Variants in DPYD observed in about 807,000 individuals in gnomAD.
DPYD encodes dihydropyrimidine dehydrogenase.
In DPYD, 109 loss-of-function variants were observed where a neutral mutation model predicts 116.2. The observed-to-expected ratio is 0.94, with a 90% CI of 0.80 to 1.10. The LOEUF (loss-of-function observed/expected upper bound fraction) is 1.10. Ranked by LOEUF, DPYD falls within the 50% of genes least tolerant of loss-of-function variation. The pLI is 0.00. For synonymous variants in DPYD, 440 were observed against 432.0 expected, an observed-to-expected ratio of 1.02 and a Z score of -0.23; for missense variants, 1,302 against 1,254.5, an observed-to-expected ratio of 1.04 and a Z score of -0.57.
intron 19 of DPYD, among the ~76,000 whole-genome samples, chr1:97,232,468 C>T (rs1307495661): frequency 6.6e-6 from 1 of 152,058 alleles, no homozygotes; most frequent in Non-Finnish European, 1.5e-5. Flanking sequence ...ATATTTTTAG[C>T]CATTATTTTT....
At chr1:97,223,237 T>A (rs1438977204) in intron 19 of DPYD, among the ~76,000 whole-genome samples, 2 of 152,118 alleles carry the variant, frequency 1.3e-5, no homozygotes, top group African/African-American at 4.8e-5. Flanking sequence ...TGATTATTGT[T>A]AAAAATTGAT....
chr1:97,131,828 AAG>A lies in DPYD; in HGVS notation c.2623-33198_2623-33197del. On this transcript the variant is annotated intron_variant, in intron 20 of 22. Transcript: ENST00000370192. ...GAACAAAACCAGCAATGAAGAAAAA[AAG>A]ATCATTCAAAATGGAATAATTTTAG... Among the ~76,000 whole-genome samples, 3 of 152,322 alleles carry A rather than the reference AAG, an allele frequency of 2.0e-5. 1 individual carries two copies. Among genetic ancestry groups the A allele is most frequent in the Middle Eastern group, 6.8e-3 (2 of 294 alleles).
At chr1:97,171,273 A>T (rs1656707971) in intron 20 of DPYD, among the ~76,000 whole-genome samples, 1 of 152,172 alleles carries the variant, frequency 6.6e-6, no homozygotes, top group African/African-American at 2.4e-5. Context: ...TGCCTGCAAA[A>T]GCAATAATTT....
At position 97,462,538 on chromosome 1, in the gene DPYD, C is replaced by T. The variant is rs139918238; in HGVS notation, c.1741-12315G>A. 7.9e-4 allele frequency among the ~76,000 whole-genome samples: 121 copies of T among 152,238 alleles called. 1 individual carries two copies. Among genetic ancestry groups the T allele is most frequent in the African/African-American group, 2.8e-3 (117 of 41,532 alleles). Reference sequence around the variant, plus strand: ...TGGGAAGGTGGGGCTGGACATGCCTCATTCTACCCTCCTCCTTTTGAAATT... The same window carrying T: ...TGGGAAGGTGGGGCTGGACATGCCTTATTCTACCCTCCTCCTTTTGAAATT... On this transcript the variant is annotated intron_variant, in intron 13 of 22. Transcript: ENST00000370192.
At chr1:97,738,935 C>T (rs995201323) in intron 4 of DPYD, among the ~76,000 whole-genome samples, 6 of 151,794 alleles carry the variant, frequency 4.0e-5, no homozygotes, top group African/African-American at 1.5e-4. Context: ...TTTGTGTAGA[C>T]CTTGAATAAA....
intron 2 of DPYD, among the ~76,000 whole-genome samples, chr1:97,867,080 G>A (rs1671422187): frequency 6.6e-6 from 1 of 151,784 alleles, no homozygotes; most frequent in Admixed American, 6.6e-5. Flanking sequence ...AAGGGGAGAG[G>A]CAGAGACATC....
At chr1:97,741,435 A>G (rs991625664) in intron 3 of DPYD, among the ~76,000 whole-genome samples, 1 of 152,086 alleles carries the variant, frequency 6.6e-6, no homozygotes, top group Non-Finnish European at 1.5e-5. Context: ...AGGAGCCCCT[A>G]CTGAGTCCAA....
intron 2 of DPYD, among the ~76,000 whole-genome samples, chr1:97,829,145 T>G (rs1669398529): frequency 6.6e-6 from 1 of 151,808 alleles, no homozygotes; most frequent in Non-Finnish European, 1.5e-5. Context: ...GTATTACTTA[T>G]TTTTACAGAA....
At chr1:97,174,535 T>G (rs867992003) in intron 20 of DPYD, among the ~76,000 whole-genome samples, 3 of 152,228 alleles carry the variant, frequency 2.0e-5, no homozygotes, top group Non-Finnish European at 4.4e-5. Flanking sequence ...CCATTCATTT[T>G]CTTTAAGCTG....
intron 3 of DPYD, among the ~76,000 whole-genome samples, chr1:97,761,799 T>C (rs200001318): frequency 1.3e-5 from 2 of 152,076 alleles, no homozygotes; most frequent in East Asian, 1.9e-4. Flanking sequence ...GTGTTATATA[T>C]ACACACCATG....
chr1:97,470,829 C>A (rs560541016), intron 13 of DPYD, among the ~76,000 whole-genome samples: 3 of 152,062 alleles, frequency 2.0e-5, no homozygotes, highest in Admixed American at 2.0e-4. Flanking sequence ...GAAACCCCAT[C>A]AAGTACAAAA....
At position 97,883,411 on chromosome 1, in the gene DPYD, A is replaced by G. The variant is rs755694836; in HGVS notation, c.40-37T>C. ...ATAAACAATGTGTAAATATATGGAAATATGTTGGCATTTGTTTAAACTTAT... is the reference window on the plus strand; with the variant it reads ...ATAAACAATGTGTAAATATATGGAAGTATGTTGGCATTTGTTTAAACTTAT... On this transcript the variant is annotated intron_variant, in intron 1 of 22. Coordinates refer to ENST00000370192, the MANE Select transcript of DPYD (RefSeq NM_000110.4). 20 of 1,350,552 alleles carry G rather than the reference A, an allele frequency of 1.5e-5. No individual in the cohort carries two copies. The African/African-American group carries it at 2.4e-4, about 16-fold the overall frequency. 83.7% of individuals were successfully genotyped at this position (1,350,552 alleles called of 1,614,324 possible).
chr1:97,852,528 A>C (rs768870663), intron 2 of DPYD, among the ~76,000 whole-genome samples: 1 of 152,194 alleles, frequency 6.6e-6, no homozygotes. Context: ...TTATTGTATT[A>C]ATGATGATGT....
chr1:97,649,562 A>AT (rs1286588300), intron 8 of DPYD, among the ~76,000 whole-genome samples: 2 of 152,068 alleles, frequency 1.3e-5, no homozygotes, highest in Non-Finnish European at 2.9e-5. Flanking sequence ...TCATACTACA[A>AT]TTAATCATGT....
At position 97,382,375 on chromosome 1, in the gene DPYD, T is replaced by C; in HGVS notation, c.1974+18A>G. ...GGAGAGAAGAAATAAAATAAATATA[T>C]ACTAAAGTAACCATTACCTCAGACT... On this transcript the variant is annotated intron_variant, in intron 15 of 22. Coordinates refer to ENST00000370192, the MANE Select transcript of DPYD (RefSeq NM_000110.4). 6.6e-7 allele frequency: 1 copy of C among 1,511,746 alleles called. No individual in the cohort carries two copies. The highest frequency in any genetic ancestry group is 2.3e-5 in the East Asian group (1 of 43,398). 93.6% of individuals were successfully genotyped at this position (1,511,746 alleles called of 1,614,324 possible). A position where few individuals can be genotyped will look rare whatever the true frequency, so the allele number is the denominator to read the frequency against.
intron 14 of DPYD, among the ~76,000 whole-genome samples, chr1:97,385,922 T>C (rs1020995280): frequency 6.6e-6 from 1 of 152,192 alleles, no homozygotes; most frequent in Non-Finnish European, 1.5e-5. Context: ...GTTGGTTAAT[T>C]GTTCACCCTG....
At chr1:97,714,383 T>A (rs1279510797) in intron 5 of DPYD, among the ~76,000 whole-genome samples, 1 of 151,954 alleles carries the variant, frequency 6.6e-6, no homozygotes, top group Admixed American at 6.6e-5. Context: ...TGGCTAATTT[T>A]TTTTATTTTT....
chr1:97,597,479 G>A (rs1276376413), intron 8 of DPYD, among the ~76,000 whole-genome samples: 1 of 152,218 alleles, frequency 6.6e-6, no homozygotes, highest in Non-Finnish European at 1.5e-5. Flanking sequence ...ATAAGTTCCT[G>A]TGAATCCTGT....
chr1:97,157,080 A>T (rs1221625979), intron 20 of DPYD, among the ~76,000 whole-genome samples: 1 of 134,726 alleles, frequency 7.4e-6, no homozygotes. Flanking sequence ...GAACACATGG[A>T]CACAGGAAGG....
Sources: allele counts gnomAD v4.1 joint callset (sites outside exome capture counted in the v4.1 genomes callset), GRCh38; gene constraint gnomAD v4.1.1; transcripts MANE v1.5; gene names NCBI Gene and HGNC (gene_info 2026-07-23, HGNC 2026-07-21).